NAA40: variants seen among roughly 807,000 people sequenced by gnomAD.
NAA40 encodes N-alpha-acetyltransferase 40.
NAA40 carries 26 observed loss-of-function variants against 36.6 expected under a neutral mutation model. The observed-to-expected ratio is 0.71, with a 90% CI of 0.52 to 0.98. The LOEUF is 0.98. Among genes scored for constraint, NAA40 ranks in the 50% least tolerant of loss-of-function variants. The pLI is 0.00. For synonymous variants in NAA40, 129 were observed against 108.4 expected (o/e 1.19, Z -1.18); for missense variants, 237 against 306.5 (o/e 0.77, Z 1.69).
At position 63,955,723 on chromosome 11, in the gene NAA40, G is replaced by C. The variant is rs556958765; in HGVS notation, c.*1244G>C. 1 of 152,404 alleles carries C rather than the reference G, an allele frequency of 6.6e-6. No homozygotes were observed. Among genetic ancestry groups the C allele is most frequent in the South Asian group, 2.1e-4 (1 of 4,832 alleles). 9.4% of individuals were successfully genotyped at this position (152,404 alleles called of 1,614,324 possible). A position where few individuals can be genotyped will look rare whatever the true frequency, so the allele number is the denominator to read the frequency against. On this transcript the variant is annotated 3_prime_UTR_variant, in exon 8 of 8. Coordinates refer to ENST00000377793, the MANE Select transcript of NAA40 (RefSeq NM_024771.4). ...CAGGCTGGAGCAGGGGAAGGAGAAA[G>C]CCTTCCTCTTCTCTCATAGGATAGA...
In NAA40 at chr11:63,954,574, C is replaced by A. The variant is rs527657469; in HGVS notation, c.*95C>A. 12 of 1,392,180 alleles carry A rather than the reference C, an allele frequency of 8.6e-6. No individual in the cohort carries two copies. Among genetic ancestry groups the A allele is most frequent in the Non-Finnish European group, 1.1e-5 (12 of 1,046,976 alleles). The allele number at this position is 1,392,180 out of a possible 1,614,324, so 86.2% of individuals were successfully genotyped here. On this transcript the variant is annotated 3_prime_UTR_variant, in exon 8 of 8. Transcript: ENST00000377793. ...CACCGGGTGTCCTCAGAGCTGTGGC[C>A]TCCCCAGCCCTGCACGTGCCAGGCT...
Position 63,952,554 on chromosome 11 carries a change from A to C in NAA40, c.399A>C (p.Glu133Asp). 6.2e-7 allele frequency: 1 copy of C among 1,614,090 alleles called. No individual in the cohort carries two copies. The highest frequency in any genetic ancestry group is 1.1e-5 in the South Asian group (1 of 91,076). The change falls in exon 5 of 8, where the codon GAA becomes GAC. Residue 133 changes from glutamate to aspartate, a missense_variant. Transcript: ENST00000377793. ...GGTTTGACGTGGAGTGTGGGGATGA[A>C]GTCCTGTACTGGTAGGAGCCATGGC... ...HFRFDVECGD[E>D]VLYCYEVQLE...
At position 63,941,010 on chromosome 11, in the gene NAA40, C is replaced by T. The variant is rs139243912; in HGVS notation, c.6+1908C>T. On this transcript the variant is annotated intron_variant, in intron 1 of 7. Transcript: ENST00000377793. ...AACATGCCGTTCTAGTTCAACACTT[C>T]CTCGTTGGTTGGACTGAAATAGCAG... Among the ~76,000 whole-genome samples, 297 of 152,304 alleles carry T rather than the reference C, an allele frequency of 2.0e-3. 2 individuals carry two copies. The highest frequency in any genetic ancestry group is 0.011 in the South Asian group (51 of 4,824).
At position 63,939,013 on chromosome 11, in the gene NAA40, T is replaced by TGCC; in HGVS notation, c.-78_-76dup. On this transcript the variant is annotated 5_prime_UTR_variant, in exon 1 of 8. Transcript: ENST00000377793. Reference sequence around the variant, plus strand: ...CGCGTTGCAGGGCCGTCCGCTCTGCTGCCGCCGCTGTTGCAGCCACCGCCG... The same window carrying TGCC: ...CGCGTTGCAGGGCCGTCCGCTCTGCTGCCGCCGCCGCTGTTGCAGCCACCGCCG... The TGCC allele has an allele frequency of 2.2e-6, 3 of 1,361,902 alleles. 1 individual carries two copies. The South Asian group carries it at 3.5e-5, about 16-fold the overall frequency. 84.4% of individuals were successfully genotyped at this position (1,361,902 alleles called of 1,614,324 possible). A position where few individuals can be genotyped will look rare whatever the true frequency, so the allele number is the denominator to read the frequency against.
chr11:63,951,468 C>T lies in NAA40; in HGVS notation c.156-770C>T, dbSNP rs184258791. ...AAGCGATTCTCCTGCCTCAGCCTCC[C>T]GAGTAGCTGGGATTACAGGCACCCA... is the stretch of plus-strand genomic sequence containing the variant. On this transcript the variant is annotated intron_variant, in intron 3 of 7. Transcript: ENST00000377793. 5.3e-5 allele frequency among the ~76,000 whole-genome samples: 8 copies of T among 152,082 alleles called. No homozygotes were observed. In the East Asian group the frequency reaches 1.3e-3, roughly 26 times the overall value.
chr11:63,939,140 G>C, intron 1 of NAA40, 38 bp downstream of exon 1: 1 of 1,580,064 alleles, frequency 6.3e-7, no homozygotes, highest in Non-Finnish European at 8.6e-7. Flanking sequence ...AGGTCCAGGG[G>C]CGCTCCTCGC....
chr11:63,954,369 T>C lies in NAA40; in HGVS notation c.604T>C (p.Ser202Pro), dbSNP rs746282143. The change falls in exon 8 of 8, where the codon TCC becomes CCC. Residue 202 changes from serine (S) to proline (P), a missense_variant. Ser to Pro is a moderately conservative substitution (Grantham distance 74, BLOSUM62 -1). Coordinates refer to ENST00000377793, the MANE Select transcript of NAA40 (RefSeq NM_024771.4). ...FEIDDSSPSM[S>P]GCCGEDCSYE... ...AATTGATGACTCTTCCCCCAGCATGTCCGGTTGCTGTGGGGAGGATTGCTC... is the reference window on the plus strand; with the variant it reads ...AATTGATGACTCTTCCCCCAGCATGCCCGGTTGCTGTGGGGAGGATTGCTC... 6.2e-7 allele frequency: 1 copy of C among 1,607,440 alleles called. No homozygotes were observed. Among genetic ancestry groups the C allele is most frequent in the South Asian group, 1.1e-5 (1 of 89,990 alleles).
intron 1 of NAA40, chr11:63,939,490 C>G (rs1942071421): frequency 9.8e-7 from 1 of 1,024,554 alleles, no homozygotes; most frequent in Admixed American, 5.7e-5. Flanking sequence ...TCAACCCTGG[C>G]TTGGAGGGAA....
chr11:63,952,583 G>T lies in NAA40; in HGVS notation c.410+18G>T. 1 of 1,611,430 alleles carries T rather than the reference G, an allele frequency of 6.2e-7. No homozygotes were observed. The highest frequency in any genetic ancestry group is 8.5e-7 in the Non-Finnish European group (1 of 1,177,678). ...CTGTACTGGTAGGAGCCATGGCTTG[G>T]GGGAGGTAGGGGAGAGAGACCCTGG... On this transcript the variant is annotated intron_variant, in intron 5 of 7. Coordinates refer to ENST00000377793, the MANE Select transcript of NAA40 (RefSeq NM_024771.4).
chr11:63,949,686 C>T (rs992744333), intron 3 of NAA40, among the ~76,000 whole-genome samples: 13 of 151,492 alleles, frequency 8.6e-5, no homozygotes, highest in African/African-American at 3.2e-4. Context: ...CACTCATATT[C>T]CTCAAGCCTC....
intron 3 of NAA40, among the ~76,000 whole-genome samples, chr11:63,948,493 C>T (rs992408470): frequency 4.0e-5 from 6 of 150,516 alleles, no homozygotes; most frequent in Non-Finnish European, 7.4e-5. Context: ...CCGAGGTGGG[C>T]GGATCACGAG....
intron 7 of NAA40, 71 bp downstream of exon 7, chr11:63,954,120 CCTCA>C (rs1942325087): frequency 1.3e-6 from 2 of 1,517,980 alleles, no homozygotes; most frequent in Non-Finnish European, 1.8e-6. Flanking sequence ...TGGTCCTGGC[CCTCA>C]CTCATTCTGA....
intron 2 of NAA40, 78 bp downstream of exon 2, chr11:63,946,013 C>G: frequency 7.4e-7 from 1 of 1,343,626 alleles, no homozygotes; most frequent in Non-Finnish European, 1.1e-6. Context: ...TTGTCTCCAC[C>G]CTGTGGCAGA....
At chr11:63,947,300 G>C (rs113227051) in intron 3 of NAA40, among the ~76,000 whole-genome samples, 1 of 151,964 alleles carries the variant, frequency 6.6e-6, no homozygotes, top group Non-Finnish European at 1.5e-5. Context: ...CCAGCTACTC[G>C]GGAGGCTGAG....
At chr11:63,946,930 C>G in intron 2 of NAA40, 21 bp from the exon 3 acceptor site, 3 of 1,613,940 alleles carry the variant, frequency 1.9e-6, no homozygotes, top group Non-Finnish European at 2.5e-6. Flanking sequence ...TGTGCTGTTC[C>G]TCTTTTCTTT....
At chr11:63,939,841 G>A (rs1325885984) in intron 1 of NAA40, among the ~76,000 whole-genome samples, 1 of 152,090 alleles carries the variant, frequency 6.6e-6, no homozygotes, top group African/African-American at 2.4e-5. Context: ...GGCGGGGGCG[G>A]CGGCCCAGCC....
rs1220991122 is a variant in NAA40 at position 63,955,783 on chromosome 11, C to G, written c.*1304C>G. On this transcript the variant is annotated 3_prime_UTR_variant, in exon 8 of 8. Transcript: ENST00000377793. ...TCAGAACTAATGCTCATCCTGATCT[C>G]TAGGCCTTGTTCCTCTTCCAGGGAA... 6.6e-6 allele frequency: 1 copy of G among 152,306 alleles called. No individual in the cohort carries two copies. Among genetic ancestry groups the G allele is most frequent in the Non-Finnish European group, 1.5e-5 (1 of 68,066 alleles). 9.4% of individuals were successfully genotyped at this position (152,306 alleles called of 1,614,324 possible).
chr11:63,948,730 A>G (rs538826539), intron 3 of NAA40, among the ~76,000 whole-genome samples: 2 of 90,614 alleles, frequency 2.2e-5, no homozygotes, highest in African/African-American at 4.4e-5. Context: ...AAAAATGTAT[A>G]TATTTTTTGG....
At chr11:63,948,772 C>T (rs1942228878) in intron 3 of NAA40, among the ~76,000 whole-genome samples, 1 of 152,050 alleles carries the variant, frequency 6.6e-6, no homozygotes, top group Admixed American at 6.6e-5. Flanking sequence ...GTTGCCCGGG[C>T]TGGTCTCAAA....
Sources: gnomAD v4.1 joint callset for allele counts (sites outside exome capture counted in the v4.1 genomes callset) on GRCh38, gnomAD v4.1.1 for gene constraint, MANE v1.5 for transcripts, NCBI Gene and HGNC (gene_info 2026-07-23, HGNC 2026-07-21) for gene names.